KDM6A: variants seen among roughly 807,000 people sequenced by gnomAD.
The protein encoded by KDM6A is lysine-specific demethylase 6A.
In KDM6A, 11 loss-of-function variants were observed where a neutral mutation model predicts 117.6. That is an observed-to-expected ratio of 0.09 (90% CI 0.06 to 0.15). The LOEUF is 0.15. Ranked by LOEUF, KDM6A falls within the 10% of genes least tolerant of loss-of-function variation. KDM6A has a pLI of 1.00. For missense variants in KDM6A, 799 were observed against 1,077.3 expected (o/e 0.74, Z 3.62); for synonymous variants, 384 against 396.1 (o/e 0.97, Z 0.36).
At position 44,944,204 on chromosome X, in the gene KDM6A, T is replaced by C. The variant is rs992293192; in HGVS notation, c.226-17080T>C. On this transcript the variant is annotated intron_variant, in intron 2 of 29. Transcript: ENST00000611820. Reference sequence around the variant, plus strand: ...CCATTTCTACTAAAAGTACAAAAATTAGCCGGGCGTGGTGTTGGGCGCCTG... The same window carrying C: ...CCATTTCTACTAAAAGTACAAAAATCAGCCGGGCGTGGTGTTGGGCGCCTG... 1.9e-4 allele frequency among the ~76,000 whole-genome samples: 21 copies of C among 109,771 alleles called. No homozygotes were observed. In the East Asian group the frequency reaches 2.9e-3, roughly 15 times the overall value.
chrX:44,970,790 C>T (rs866747741), intron 3 of KDM6A, among the ~76,000 whole-genome samples: 6 of 111,926 alleles, frequency 5.4e-5, no homozygotes, highest in Non-Finnish European at 7.5e-5. Flanking sequence ...GGATTTTTCT[C>T]CAGGCATGGT....
At chrX:45,078,898 G>T (rs2045261964) in intron 20 of KDM6A, among the ~76,000 whole-genome samples, 1 of 110,225 alleles carries the variant, frequency 9.1e-6, no homozygotes. Context: ...ATAAATAAGT[G>T]AAATTTCAGT....
chrX:44,906,157 T>A (rs2146730261), intron 2 of KDM6A, among the ~76,000 whole-genome samples: 1 of 111,669 alleles, frequency 9.0e-6, no homozygotes, highest in South Asian at 3.7e-4. Flanking sequence ...CTCCATCTTT[T>A]CTTTTTCTTT....
chrX:45,011,107 G>T, intron 5 of KDM6A, 88 bp downstream of exon 5: 3 of 675,493 alleles, frequency 4.4e-6, no homozygotes, highest in Non-Finnish European at 2.4e-6. Flanking sequence ...TTGTGTGTGT[G>T]TGTAATAAAT....
chrX:45,087,334 G>GT (rs1349746681), intron 25 of KDM6A, among the ~76,000 whole-genome samples: 2 of 113,115 alleles, frequency 1.8e-5, no homozygotes, highest in Non-Finnish European at 3.7e-5. Context: ...AATCTTTGCT[G>GT]TAAATATTTG....
chrX:45,017,179 G>A (rs1178284405), intron 5 of KDM6A, among the ~76,000 whole-genome samples: 3 of 112,237 alleles, frequency 2.7e-5, no homozygotes, highest in Non-Finnish European at 5.6e-5. Flanking sequence ...TATGCTTTAA[G>A]TATTTGAAAA....
intron 2 of KDM6A, among the ~76,000 whole-genome samples, chrX:44,889,228 T>TG (rs2033145723): frequency 8.9e-6 from 1 of 111,886 alleles, no homozygotes; most frequent in Non-Finnish European, 1.9e-5. Context: ...TTGGCCAGGC[T>TG]GGTCTTGAAC....
intron 8 of KDM6A, among the ~76,000 whole-genome samples, chrX:45,046,963 CT>C (rs1355157468): frequency 1.1e-4 from 11 of 101,952 alleles, no homozygotes; most frequent in Non-Finnish European, 1.8e-4. Flanking sequence ...CTGGCAGTCT[CT>C]TTTATTGGTG....
At chrX:44,877,423 T>C (rs2031770958) in intron 2 of KDM6A, among the ~76,000 whole-genome samples, 1 of 111,317 alleles carries the variant, frequency 9.0e-6, no homozygotes, top group African/African-American at 3.3e-5. Context: ...GGTAATGTAA[T>C]AATTCAAGAT....
chrX:45,051,112 C>T (rs974037651), intron 8 of KDM6A, among the ~76,000 whole-genome samples: 31 of 111,540 alleles, frequency 2.8e-4, no homozygotes, highest in African/African-American at 1.0e-3. Context: ...CGGTTTCAAG[C>T]GATTCTCCTG....
chrX:45,039,344 C>T (rs1223782301), intron 8 of KDM6A, among the ~76,000 whole-genome samples: 1 of 109,477 alleles, frequency 9.1e-6, no homozygotes, highest in Non-Finnish European at 1.9e-5. Context: ...AGTATTTTTG[C>T]CGGAGATGGA....
At chrX:45,044,661 C>T (rs1451436453) in intron 8 of KDM6A, among the ~76,000 whole-genome samples, 1 of 111,721 alleles carries the variant, frequency 9.0e-6, no homozygotes, top group Non-Finnish European at 1.9e-5. Context: ...AATGTATGTT[C>T]TCTTCTGACC....
At chrX:44,929,507 A>G (rs945162660) in intron 2 of KDM6A, among the ~76,000 whole-genome samples, 1 of 112,038 alleles carries the variant, frequency 8.9e-6, no homozygotes, top group South Asian at 3.7e-4. Flanking sequence ...TTTATTGCTA[A>G]GTAGTAATTG....
In KDM6A at chrX:45,110,237, C is replaced by G. The variant is rs2148308190; in HGVS notation, c.4320C>G (p.Asp1440Glu). 1 of 1,208,160 alleles carries G rather than the reference C, an allele frequency of 8.3e-7. No individual in the cohort carries two copies. Among genetic ancestry groups the G allele is most frequent in the East Asian group, 3.0e-5 (1 of 33,811 alleles). ...YKMEDLMQVY[D>E]QFTLAPPLPS... ...TGGAGGACCTGATGCAAGTCTATGACCAATTTACATTAGTAAGTCAAATCA... is the reference window on the plus strand; with the variant it reads ...TGGAGGACCTGATGCAAGTCTATGAGCAATTTACATTAGTAAGTCAAATCA... Residue 1440 changes from aspartate to glutamate, a missense_variant, in exon 29 of 30, where the codon GAC becomes GAG. Asp to Glu is a conservative substitution (Grantham distance 45). This residue lies in a region of KDM6A where 291 missense variants were observed against 437.9 expected (regional missense o/e 0.66). Transcript: ENST00000611820.
intron 25 of KDM6A, among the ~76,000 whole-genome samples, chrX:45,087,707 A>G (rs1228427629): frequency 1.8e-5 from 2 of 111,992 alleles, no homozygotes; most frequent in Non-Finnish European, 3.8e-5. Flanking sequence ...GGGACTGGCT[A>G]TTTTTAGGGT....
Position 44,974,805 on chromosome X carries a change from T to C in KDM6A, c.384+90T>C, listed in dbSNP as rs1602408303. ...CAAAATTAATTGAGCTCTTGCTTTT[T>C]TTTGTTAATTACTTAAAATATTGCT... On this transcript the variant is annotated intron_variant, in intron 4 of 29. Coordinates refer to ENST00000611820, the MANE Select transcript of KDM6A (RefSeq NM_001291415.2). 13 of 658,706 alleles carry C rather than the reference T, an allele frequency of 2.0e-5. 1 individual carries two copies. In the East Asian group the frequency reaches 2.9e-4, roughly 15 times the overall value. The allele number at this position is 658,706 out of a possible 1,213,427, so 54.3% of individuals were successfully genotyped here.
intron 4 of KDM6A, among the ~76,000 whole-genome samples, chrX:45,010,303 A>G (rs1470294856): frequency 9.2e-6 from 1 of 109,187 alleles, no homozygotes; most frequent in Non-Finnish European, 1.9e-5. Flanking sequence ...TTGGGGTGAC[A>G]GAGCGAGACC....
chrX:45,082,661 A>G (rs2045467731), intron 22 of KDM6A, 21 bp downstream of exon 22: 1 of 1,173,305 alleles, frequency 8.5e-7, no homozygotes, highest in Admixed American at 2.2e-5. Context: ...TTTAATGTCC[A>G]CTTAGTATTT....
chrX:45,066,412 T>C (rs2044537636), intron 17 of KDM6A, among the ~76,000 whole-genome samples: 1 of 111,376 alleles, frequency 9.0e-6, no homozygotes, highest in Admixed American at 9.6e-5. Flanking sequence ...TGTTGTCTTG[T>C]TGTTGTTTTA....
Sources: allele counts gnomAD v4.1 joint callset (sites outside exome capture counted in the v4.1 genomes callset), GRCh38; gene constraint gnomAD v4.1.1; regional missense constraint gnomAD v4.1.1; transcripts MANE v1.5; gene names NCBI Gene and HGNC (gene_info 2026-07-23, HGNC 2026-07-21).